The following DNAH5 variants were observed in gnomAD, a reference collection of about 807,000 sequenced individuals.
DNAH5 encodes axonemal beta dynein heavy chain 5.
Under a neutral mutation model 518.2 loss-of-function variants are expected in DNAH5, and 372 were observed. The ratio of observed to expected loss-of-function variants is 0.72; its 90% CI spans 0.66 to 0.78. The LOEUF (loss-of-function observed/expected upper bound fraction) is 0.78. DNAH5 is among the 30% of genes least tolerant of loss of function. DNAH5 has a pLI of 0.00. For missense variants in DNAH5, 5,523 were observed against 5,687.0 expected (o/e 0.97, Z 0.93); for synonymous variants, 2,039 against 2,025.9 (o/e 1.01, Z -0.17).
Position 13,716,596 on chromosome 5 carries a change from A to C in DNAH5, c.12800T>G (p.Phe4267Cys), listed in dbSNP as rs1744306811. ...DDYDKRLLNT[F>C]AKVWFSENMF... ...ATTTTCACTGAACCAAACCTTAGCA[A>C]ATGTGTTCAACAATCTCTTATCATA... is the stretch of plus-strand genomic sequence containing the variant. The change falls in exon 74 of 79, where the codon TTT (phenylalanine) becomes TGT (cysteine). Residue 4267 changes from phenylalanine to cysteine, a missense_variant. By Grantham distance (205) the Phe-to-Cys change is radical (BLOSUM62 -2). This residue lies in a region of DNAH5 where 15 missense variants were observed against 33.6 expected (regional missense o/e 0.45). Transcript: ENST00000265104. 6.2e-7 allele frequency: 1 copy of C among 1,613,562 alleles called. No homozygotes were observed.
intron 6 of DNAH5, 81 bp from the exon 7 acceptor site, chr5:13,919,433 G>T: frequency 6.6e-7 from 1 of 1,526,384 alleles, no homozygotes; most frequent in Non-Finnish European, 8.9e-7. Flanking sequence ...AAACAAATAA[G>T]GAAATCAATT....
At chr5:13,775,086 CTTCCT>C (rs1022218415) in intron 55 of DNAH5, among the ~76,000 whole-genome samples, 1 of 141,506 alleles carries the variant, frequency 7.1e-6, no homozygotes, top group African/African-American at 2.6e-5. Context: ...TATTAATTTC[CTTCCT>C]TTCATCAGTG....
intron 70 of DNAH5, among the ~76,000 whole-genome samples, chr5:13,724,163 A>G (rs569842329): frequency 6.6e-6 from 1 of 152,364 alleles, no homozygotes; most frequent in East Asian, 1.9e-4. Flanking sequence ...CAGCAGGACA[A>G]TAATTCCAGG....
intron 35 of DNAH5, among the ~76,000 whole-genome samples, chr5:13,835,410 A>G (rs9312846): frequency 0.41 from 62,603 of 151,780 alleles, 13,289 homozygotes; most frequent in East Asian, 0.6. Context: ...ACAGAAAAGC[A>G]GCTTAAAGAG....
intron 1 of DNAH5, among the ~76,000 whole-genome samples, chr5:13,949,916 C>A (rs1780250519): frequency 6.6e-6 from 1 of 152,178 alleles, no homozygotes; most frequent in Non-Finnish European, 1.5e-5. Flanking sequence ...CTCTGATTAA[C>A]AACGAGCCAG....
At chr5:13,737,840 T>A (rs2126624490) in intron 65 of DNAH5, among the ~76,000 whole-genome samples, 1 of 152,068 alleles carries the variant, frequency 6.6e-6, no homozygotes, top group South Asian at 2.1e-4. Context: ...GGCGGGTGGA[T>A]CATTTGAGGT....
intron 1 of DNAH5, among the ~76,000 whole-genome samples, chr5:13,990,906 G>A (rs1229326415): frequency 6.6e-6 from 1 of 152,168 alleles, no homozygotes; most frequent in Admixed American, 6.5e-5. Context: ...CCAGAAAAAA[G>A]ATAACATTGA....
At position 13,788,871 on chromosome 5, in the gene DNAH5, G is replaced by A. The variant is rs1215626254; in HGVS notation, c.8492C>T (p.Ala2831Val). Reference protein sequence around the residue: ...LWKHECKRVIADRFTVSSDVT... With the variant: ...LWKHECKRVIVDRFTVSSDVT... ...ATCACTGGACACTGTGAAACGGTCAGCTATAACACGTTTACACTCATGCTT... is the reference window on the plus strand; with the variant it reads ...ATCACTGGACACTGTGAAACGGTCAACTATAACACGTTTACACTCATGCTT... Residue 2831 changes from alanine to valine, a missense_variant, in exon 51 of 79, where the codon GCT becomes GTT. Physicochemically the swap from Ala to Val is moderately conservative, Grantham distance 64. This residue lies in a region of DNAH5 where 5,121 missense variants were observed against 5,223.3 expected (regional missense o/e 0.98). Transcript: ENST00000265104. 1 of 1,614,102 alleles carries A rather than the reference G, an allele frequency of 6.2e-7. No individual in the cohort carries two copies. Among genetic ancestry groups the A allele is most frequent in the Non-Finnish European group, 8.5e-7 (1 of 1,180,010 alleles).
intron 1 of DNAH5, among the ~76,000 whole-genome samples, chr5:13,939,894 G>T (rs1012949030): frequency 1.3e-5 from 2 of 152,128 alleles, no homozygotes; most frequent in Non-Finnish European, 2.9e-5. Flanking sequence ...CTTTAGTGAA[G>T]CCCTCCTCTA....
At chr5:13,725,531 A>G (rs1198051298) in intron 70 of DNAH5, among the ~76,000 whole-genome samples, 1 of 152,190 alleles carries the variant, frequency 6.6e-6, no homozygotes, top group Non-Finnish European at 1.5e-5. Flanking sequence ...ATTTTCATAC[A>G]CTGCTCTTCA....
intron 37 of DNAH5, 61 bp from the exon 38 acceptor site, chr5:13,829,765 TA>T (rs1265801098): frequency 2.7e-6 from 4 of 1,495,812 alleles, no homozygotes; most frequent in East Asian, 4.5e-5. Context: ...AGCATCATAT[TA>T]AAAGATTCAT....
chr5:13,699,186 G>A (rs73048004), intron 78 of DNAH5, among the ~76,000 whole-genome samples: 132 of 152,256 alleles, frequency 8.7e-4, no homozygotes, highest in African/African-American at 3.0e-3. Context: ...GTCCTCCAAA[G>A]CACATCTCAA....
chr5:13,763,887 T>C (rs138251764), intron 59 of DNAH5, among the ~76,000 whole-genome samples: 1 of 152,330 alleles, frequency 6.6e-6, no homozygotes, highest in Non-Finnish European at 1.5e-5. Flanking sequence ...GTGTAATCAC[T>C]TGTCAGGATT....
At chr5:13,744,184 C>G (rs1749013657) in intron 65 of DNAH5, among the ~76,000 whole-genome samples, 1 of 151,836 alleles carries the variant, frequency 6.6e-6, no homozygotes, top group Non-Finnish European at 1.5e-5. Context: ...ATTCACAGCA[C>G]CATGGATGGA....
intron 24 of DNAH5, among the ~76,000 whole-genome samples, chr5:13,869,938 G>A (rs545119547): frequency 1.3e-5 from 2 of 151,976 alleles, no homozygotes; most frequent in African/African-American, 4.8e-5. Context: ...CTATTCAAGG[G>A]TGTCTGCTTG....
intron 38 of DNAH5, among the ~76,000 whole-genome samples, chr5:13,825,169 C>T (rs1304628317): frequency 1.3e-5 from 2 of 151,886 alleles, no homozygotes; most frequent in African/African-American, 2.4e-5. Context: ...TGATGAAACC[C>T]CATCTCTACC....
Position 13,770,831 on chromosome 5 carries a change from G to A in DNAH5, c.9523C>T (p.Pro3175Ser), listed in dbSNP as rs1455745345. 1.9e-6 allele frequency: 3 copies of A among 1,613,882 alleles called. No homozygotes were observed. Among genetic ancestry groups the A allele is most frequent in the Non-Finnish European group, 2.5e-6 (3 of 1,179,988 alleles). The change falls in exon 56 of 79, where the codon CCC (proline) becomes TCC (serine). Residue 3175 changes from proline (P) to serine (S), a missense_variant. Physicochemically the swap from Pro to Ser is moderately conservative, Grantham distance 74. Coordinates refer to ENST00000265104, the MANE Select transcript of DNAH5 (RefSeq NM_001369.3). ...QRFRRSTHVT[P>S]KSYLSFIQGY... is the part of the protein sequence containing the mutation. The stretch of plus-strand genomic sequence containing the variant: ...TGAATAAAGGAGAGGTATGATTTGG[G>A]CGTCACGTGGGTAGAACGTCGGAAT...
intron 32 of DNAH5, among the ~76,000 whole-genome samples, chr5:13,842,329 G>A (rs1200373733): frequency 4.6e-5 from 7 of 151,602 alleles, no homozygotes; most frequent in African/African-American, 1.7e-4. Context: ...GCAGTGAGCC[G>A]AGATCATGCC....
rs1321974049 is a variant in DNAH5, at chr5:13,735,279, G to A, written c.11613C>T (p.Ile3871=). The A allele has an allele frequency of 1.2e-6, 2 of 1,614,106 alleles. No homozygotes were observed. The highest frequency in any genetic ancestry group is 1.7e-6 in the Non-Finnish European group (2 of 1,179,996). The part of the protein sequence containing the change: ...SPITSKRIAN[I]IEHMTYEVYK... Reference sequence around the variant, plus strand: ...AAACCTCGTAGGTCATGTGCTCGATGATATTAGCAATCCTCTTGCTTGTAA... The same window carrying A: ...AAACCTCGTAGGTCATGTGCTCGATAATATTAGCAATCCTCTTGCTTGTAA... The change falls in exon 68 of 79, where the codon ATC becomes ATT. Residue 3871 remains isoleucine, a synonymous_variant. Transcript: ENST00000265104.
Sources: gnomAD v4.1 joint callset for allele counts (sites outside exome capture counted in the v4.1 genomes callset) on GRCh38, gnomAD v4.1.1 for gene constraint, gnomAD v4.1.1 regional missense constraint, MANE v1.5 for transcripts, NCBI Gene and HGNC (gene_info 2026-07-23, HGNC 2026-07-21) for gene names.